Variants in TMIGD3 observed in about 807,000 individuals in gnomAD.
The protein encoded by TMIGD3 is AD026 protein (AD026).
Under a neutral mutation model 28.1 loss-of-function variants are expected in TMIGD3, and 21 were observed. The observed-to-expected ratio is 0.75, with a 90% CI of 0.53 to 1.08. The LOEUF is 1.08. Ranked by LOEUF, TMIGD3 falls within the 50% of genes least tolerant of loss-of-function variation. The pLI is 0.00. For synonymous variants in TMIGD3, 151 were observed against 162.1 expected (o/e 0.93, Z 0.52); for missense variants, 416 against 435.6 (o/e 0.96, Z 0.40).
rs1654225366 is a variant in TMIGD3 at position 111,483,719 on chromosome 1, G to T, written c.1012C>A (p.Pro338Thr). ...TLKPFSRVLT[P>T]KEMAPTEQM ...TGTTCAGTAGGAGCCATTTCCTTTG[G>T]AGTCAGGACACGCGAGAAGGGCTTC... Residue 338 changes from proline to threonine, a missense_variant, in exon 6 of 6, where the codon CCA becomes ACA. Transcript: ENST00000369716. 1 of 1,613,948 alleles carries T rather than the reference G, an allele frequency of 6.2e-7. No homozygotes were observed. The highest frequency in any genetic ancestry group is 8.5e-7 in the Non-Finnish European group (1 of 1,179,956).
chr1:111,558,986 AT>A (rs1657625984), intron 1 of TMIGD3, among the ~76,000 whole-genome samples: 1 of 152,196 alleles, frequency 6.6e-6, no homozygotes, highest in Non-Finnish European at 1.5e-5. Flanking sequence ...ATTCTAACAT[AT>A]TAAAAATAAT....
intron 1 of TMIGD3, among the ~76,000 whole-genome samples, chr1:111,540,957 G>A (rs1264422054): frequency 2.0e-5 from 3 of 152,122 alleles, no homozygotes; most frequent in African/African-American, 4.8e-5. Context: ...ATGGAACGAC[G>A]GTTGGCAAAC....
upstream of TMIGD3, among the ~76,000 whole-genome samples, chr1:111,504,279 A>G (rs576674714): frequency 3.3e-5 from 5 of 152,330 alleles, no homozygotes; most frequent in African/African-American, 1.2e-4. Context: ...CCAATGTCCA[A>G]CCTATGTGAG....
At chr1:111,487,934 A>G (rs887558882) in intron 3 of TMIGD3, among the ~76,000 whole-genome samples, 2 of 151,368 alleles carry the variant, frequency 1.3e-5, no homozygotes, top group Admixed American at 6.6e-5. Context: ...CCTCCTGAGT[A>G]GCTGGGACTA....
At chr1:111,514,881 C>T (rs1655808044) in intron 1 of TMIGD3, among the ~76,000 whole-genome samples, 1 of 152,172 alleles carries the variant, frequency 6.6e-6, no homozygotes. Flanking sequence ...TGACATAGCC[C>T]TATAATAGAG....
chr1:111,541,011 A>G (rs545112665), intron 1 of TMIGD3, among the ~76,000 whole-genome samples: 1 of 144,446 alleles, frequency 6.9e-6, no homozygotes, highest in African/African-American at 2.9e-5. Flanking sequence ...AGGCATTGGA[A>G]GCCACATAGT....
chr1:111,519,638 GTTTC>G (rs1655986721), intron 1 of TMIGD3, among the ~76,000 whole-genome samples: 1 of 151,454 alleles, frequency 6.6e-6, no homozygotes, highest in Admixed American at 6.6e-5. Flanking sequence ...CCAAGCCCAG[GTTTC>G]TTTATCATTT....
intron 1 of TMIGD3, among the ~76,000 whole-genome samples, chr1:111,538,417 T>C (rs980716975): frequency 4.1e-4 from 62 of 152,222 alleles, no homozygotes; most frequent in Non-Finnish European, 2.5e-4. Flanking sequence ...CATCTGTGTG[T>C]GACTAAGGGC....
At chr1:111,519,722 T>G (rs1655992022) in intron 1 of TMIGD3, among the ~76,000 whole-genome samples, 1 of 149,310 alleles carries the variant, frequency 6.7e-6, no homozygotes, top group Non-Finnish European at 1.5e-5. Flanking sequence ...TGAGATGGAG[T>G]CTCACTGTCA....
upstream of TMIGD3, among the ~76,000 whole-genome samples, chr1:111,506,001 T>C (rs188242633): frequency 1.4e-4 from 21 of 152,260 alleles, no homozygotes; most frequent in Admixed American, 4.6e-4. Context: ...CTCTCCCCTG[T>C]GCACACACTC....
At position 111,526,231 on chromosome 1, in the gene TMIGD3, C is replaced by A. The variant is rs376793784; in HGVS notation, c.108-35469G>T. Among the ~76,000 whole-genome samples the A allele has an allele frequency of 7.2e-4, 110 of 152,240 alleles. No individual in the cohort carries two copies. In the Middle Eastern group the frequency reaches 0.01, roughly 14 times the overall value. The stretch of plus-strand genomic sequence containing the variant: ...TGATATGGTTTTACTATGTCCTCAC[C>A]CAAATCTCATCTTGAATTGTAGTTC... On this transcript the variant is annotated intron_variant, in intron 1 of 5. Transcript: ENST00000369717.
chr1:111,489,035 ACACACACACACGCACACGTG>A lies in TMIGD3; in HGVS notation c.458-31_458-12del, dbSNP rs751778435. 7.3e-7 allele frequency: 1 copy of A among 1,377,478 alleles called. No individual in the cohort carries two copies. The highest frequency in any genetic ancestry group is 9.6e-7 in the Non-Finnish European group (1 of 1,040,466). 85.3% of individuals were successfully genotyped at this position (1,377,478 alleles called of 1,614,324 possible). A position where few individuals can be genotyped will look rare whatever the true frequency, so the allele number is the denominator to read the frequency against. On this transcript the variant is annotated splice_polypyrimidine_tract_variant and intron_variant, in intron 2 of 5. Transcript: ENST00000369716. ...CCATGACCATGGCATCTGTGAAAAC[ACACACACACACGCACACGTG>A]CACACACACACACCATTGTTCTCTC... is the stretch of plus-strand genomic sequence containing the variant.
At chr1:111,528,947 C>A (rs1049094135) in intron 1 of TMIGD3, among the ~76,000 whole-genome samples, 25 of 151,990 alleles carry the variant, frequency 1.6e-4, no homozygotes, top group African/African-American at 6.0e-4. Flanking sequence ...ATAATCATGT[C>A]ATTTGCAAAA....
chr1:111,497,751 T>C (rs1306886262), intron 1 of TMIGD3, among the ~76,000 whole-genome samples: 1 of 152,128 alleles, frequency 6.6e-6, no homozygotes, highest in Non-Finnish European at 1.5e-5. Context: ...GGATACCAAA[T>C]GACTCAGGAC....
At chr1:111,529,816 C>A (rs1462679680) in intron 1 of TMIGD3, among the ~76,000 whole-genome samples, 2 of 152,084 alleles carry the variant, frequency 1.3e-5, no homozygotes, top group African/African-American at 4.8e-5. Context: ...CTTTTCCCCA[C>A]CTTTCCCCCC....
chr1:111,529,079 T>C (rs1656363962), intron 1 of TMIGD3, among the ~76,000 whole-genome samples: 1 of 151,830 alleles, frequency 6.6e-6, no homozygotes, highest in Non-Finnish European at 1.5e-5. Context: ...TTGCCTTGTC[T>C]TTGTAATTAT....
intron 1 of TMIGD3, among the ~76,000 whole-genome samples, chr1:111,514,061 T>C (rs1345686820): frequency 6.6e-6 from 1 of 152,218 alleles, no homozygotes; most frequent in Non-Finnish European, 1.5e-5. Context: ...CTTCTTTTAC[T>C]TTCCAAACAT....
In TMIGD3 at chr1:111,524,319, G is replaced by A. The variant is rs115247790; in HGVS notation, c.108-33557C>T. On this transcript the variant is annotated intron_variant, in intron 1 of 5. Coordinates refer to the TMIGD3 transcript ENST00000369717. ...GCTGGGATTACAGGCGTGAGCCATC[G>A]CGCCCGGCCTTCTTTTTCTTTCTTA... is the stretch of plus-strand genomic sequence containing the variant. Among the ~76,000 whole-genome samples, 744 of 151,588 alleles carry A rather than the reference G, an allele frequency of 4.9e-3. 2 individuals are homozygous for A. The highest frequency in any genetic ancestry group is 8.7e-3 in the Non-Finnish European group (591 of 67,854).
chr1:111,519,944 C>T (rs1038541975), intron 1 of TMIGD3, among the ~76,000 whole-genome samples: 3 of 152,164 alleles, frequency 2.0e-5, no homozygotes, highest in East Asian at 1.9e-4. Flanking sequence ...CCACCTGCCT[C>T]GGCCTCCCAA....
Sources: allele counts gnomAD v4.1 joint callset (sites outside exome capture counted in the v4.1 genomes callset), GRCh38; gene constraint gnomAD v4.1.1; transcripts MANE v1.5; gene names NCBI Gene and HGNC (gene_info 2026-07-23, HGNC 2026-07-21).